Variants in MAPK4 observed in about 807,000 individuals in gnomAD.
MAPK4 encodes mitogen-activated protein kinase 4, also known as Erk3-related.
A neutral mutation model predicts 47.7 loss-of-function variants in MAPK4; 22 were observed. That is an observed-to-expected ratio of 0.46 (90% confidence interval 0.33 to 0.66). The LOEUF is 0.66. MAPK4 is among the 30% of genes least tolerant of loss of function. The pLI, the probability that MAPK4 is intolerant of heterozygous loss-of-function variation, is 0.02. For synonymous variants in MAPK4, 390 were observed against 365.7 expected (o/e 1.07, Z -0.76); for missense variants, 736 against 831.7 (o/e 0.88, Z 1.42).
At chr18:50,655,660 C>T (rs1026640580) in intron 1 of MAPK4, among the ~76,000 whole-genome samples, 4 of 152,080 alleles carry the variant, frequency 2.6e-5, no homozygotes, top group Admixed American at 1.3e-4. Context: ...GAGTGAGACC[C>T]GGCTGAGTCT....
chr18:50,630,852 G>A lies in MAPK4; in HGVS notation c.-870-32237G>A, dbSNP rs371862195. On this transcript the variant is annotated intron_variant, in intron 1 of 5. Transcript: ENST00000400384. ...CTCCACATTTGTTTTTCCCAGCTGGGAGCCTCACCTGTCTTTGCAACTTTG... is the reference window on the plus strand; with the variant it reads ...CTCCACATTTGTTTTTCCCAGCTGGAAGCCTCACCTGTCTTTGCAACTTTG... 5.3e-5 allele frequency among the ~76,000 whole-genome samples: 8 copies of A among 152,282 alleles called. No individual in the cohort carries two copies. The South Asian group carries it at 8.3e-4, about 16-fold the overall frequency.
chr18:50,647,318 A>G (rs2042999004), intron 1 of MAPK4, among the ~76,000 whole-genome samples: 1 of 152,216 alleles, frequency 6.6e-6, no homozygotes, highest in Admixed American at 6.5e-5. Context: ...TAAGCTACAC[A>G]GTGTCTTGTG....
intron 1 of MAPK4, among the ~76,000 whole-genome samples, chr18:50,597,596 G>A (rs1411578232): frequency 3.9e-5 from 6 of 152,184 alleles, no homozygotes; most frequent in Non-Finnish European, 1.5e-5. Flanking sequence ...TGTCAAATTG[G>A]CTTTGGTGGC....
chr18:50,713,191 G>A (rs774587682), intron 2 of MAPK4, among the ~76,000 whole-genome samples: 2 of 152,104 alleles, frequency 1.3e-5, no homozygotes, highest in Non-Finnish European at 2.9e-5. Flanking sequence ...TTGTGATGGT[G>A]GTGACATGAC....
intron 1 of MAPK4, among the ~76,000 whole-genome samples, chr18:50,567,116 G>A (rs543007960): frequency 8.2e-4 from 122 of 148,948 alleles, no homozygotes; most frequent in Middle Eastern, 3.4e-3. Context: ...TTTACTTTAA[G>A]TTCTGGGATA....
intron 1 of MAPK4, among the ~76,000 whole-genome samples, chr18:50,643,612 G>A (rs1421979027): frequency 6.6e-6 from 1 of 152,174 alleles, no homozygotes; most frequent in Non-Finnish European, 1.5e-5. Flanking sequence ...CCTCAGAACT[G>A]CCACTTGAGG....
At chr18:50,570,681 C>A (rs1022516787) in intron 1 of MAPK4, among the ~76,000 whole-genome samples, 2 of 152,140 alleles carry the variant, frequency 1.3e-5, no homozygotes, top group Non-Finnish European at 2.9e-5. Context: ...AGGTTTGGAG[C>A]TTTATGATAG....
intron 2 of MAPK4, among the ~76,000 whole-genome samples, chr18:50,712,232 G>C (rs1910407727): frequency 6.6e-6 from 1 of 152,152 alleles, no homozygotes; most frequent in Non-Finnish European, 1.5e-5. Context: ...TTTGAGACTA[G>C]CTTGGGCAAC....
chr18:50,725,237 T>C (rs1376655315), intron 4 of MAPK4, among the ~76,000 whole-genome samples: 1 of 152,226 alleles, frequency 6.6e-6, no homozygotes, highest in Non-Finnish European at 1.5e-5. Context: ...CTGTAATATC[T>C]ATCCATCCAT....
At chr18:50,610,448 G>A (rs62092160) in intron 1 of MAPK4, among the ~76,000 whole-genome samples, 47,830 of 152,102 alleles carry the variant, frequency 0.31, 8,037 homozygotes, top group Non-Finnish European at 0.37. Flanking sequence ...TGGGAAAATG[G>A]GAAACCACAA....
At chr18:50,704,902 T>C (rs917499649) in intron 2 of MAPK4, 4 of 397,558 alleles carry the variant, frequency 1.0e-5, no homozygotes, top group Admixed American at 4.4e-5. Context: ...GTGGCTGTTA[T>C]TATTACCCAC....
Position 50,560,093 on chromosome 18 carries a change from C to A in MAPK4, c.-1021C>A, listed in dbSNP as rs573682748. On this transcript the variant is annotated 5_prime_UTR_variant, in exon 1 of 6. Transcript: ENST00000400384. Reference sequence around the variant, plus strand: ...CGGGGCCGGGGCGGGAGCCGGAGCCCGAGCTGGAGCAGCGAGCCGGGCTGT... The same window carrying A: ...CGGGGCCGGGGCGGGAGCCGGAGCCAGAGCTGGAGCAGCGAGCCGGGCTGT... The A allele has an allele frequency of 1.4e-5, 2 of 148,010 alleles. No homozygotes were observed. The highest frequency in any genetic ancestry group is 1.8e-4 in the South Asian group (1 of 5,458). The allele number at this position is 148,010 out of a possible 1,614,324, so 9.2% of individuals were successfully genotyped here. A position where few individuals can be genotyped will look rare whatever the true frequency, so the allele number is the denominator to read the frequency against.
rs1026761224 is a variant in MAPK4 at position 50,563,652 on chromosome 18, C to T, written c.-871+3409C>T. Among the ~76,000 whole-genome samples the T allele has an allele frequency of 3.3e-5, 5 of 152,014 alleles. No homozygotes were observed. In the South Asian group the frequency reaches 6.2e-4, roughly 19 times the overall value. On this transcript the variant is annotated intron_variant, in intron 1 of 5. Transcript: ENST00000400384. ...AAGGCCAAGAATGTGACTTTTTTTTCTCTCTGCATCCCTCCCTCCTTGCAG... is the reference window on the plus strand; with the variant it reads ...AAGGCCAAGAATGTGACTTTTTTTTTTCTCTGCATCCCTCCCTCCTTGCAG...
chr18:50,602,744 C>T (rs1486799183), intron 1 of MAPK4, among the ~76,000 whole-genome samples: 3 of 152,100 alleles, frequency 2.0e-5, no homozygotes, highest in Non-Finnish European at 2.9e-5. Context: ...TTGGTTAGAA[C>T]GATTGTCTAG....
At chr18:50,640,103 A>G (rs2042925531) in intron 1 of MAPK4, among the ~76,000 whole-genome samples, 1 of 152,252 alleles carries the variant, frequency 6.6e-6, no homozygotes, top group Non-Finnish European at 1.5e-5. Flanking sequence ...ATATATATCT[A>G]CACACATACG....
At chr18:50,708,397 CT>C in intron 2 of MAPK4, among the ~76,000 whole-genome samples, 1 of 152,154 alleles carries the variant, frequency 6.6e-6, no homozygotes, top group Non-Finnish European at 1.5e-5. Context: ...AGAAATCTGC[CT>C]GGCCTGTAAG....
At chr18:50,601,629 G>A (rs956432529) in intron 1 of MAPK4, among the ~76,000 whole-genome samples, 3 of 152,118 alleles carry the variant, frequency 2.0e-5, no homozygotes, top group African/African-American at 4.8e-5. Flanking sequence ...CTTTTGAATA[G>A]GATGCACCTC....
rs1169229104 is a variant in MAPK4, at chr18:50,664,906, C to G, written c.546+402C>G. The stretch of plus-strand genomic sequence containing the variant: ...CAGGACACACCCTGAGGCTTCCCAC[C>G]CTGTGAGCCTCATGCTCTGGTTGGT... On this transcript the variant is annotated intron_variant, in intron 2 of 5. Coordinates refer to ENST00000400384, the MANE Select transcript of MAPK4 (RefSeq NM_002747.4). This position sits in a 1 kb window ranked among gnomAD's most constrained non-coding sequence, Gnocchi z 6.0. Among the ~76,000 whole-genome samples, 1 of 152,190 alleles carries G rather than the reference C, an allele frequency of 6.6e-6. No individual in the cohort carries two copies. The highest frequency in any genetic ancestry group is 1.5e-5 in the Non-Finnish European group (1 of 68,032).
Position 50,730,872 on chromosome 18 carries a change from C to T in MAPK4, c.*1018C>T, listed in dbSNP as rs1163589363. The T allele has an allele frequency of 1.3e-5, 2 of 151,942 alleles. No individual in the cohort carries two copies. Among genetic ancestry groups the T allele is most frequent in the East Asian group, 3.9e-4 (2 of 5,168 alleles). The allele number at this position is 151,942 out of a possible 1,614,324, so 9.4% of individuals were successfully genotyped here. A position where few individuals can be genotyped will look rare whatever the true frequency, so the allele number is the denominator to read the frequency against. On this transcript the variant is annotated 3_prime_UTR_variant, in exon 6 of 6. Transcript: ENST00000400384. ...CTACCTCGGGACCTAATGTTCTCTA[C>T]ATGAACTGCTCATTTGGAGGACAGC...
Sources: gnomAD v4.1 joint callset for allele counts (sites outside exome capture counted in the v4.1 genomes callset) on GRCh38, gnomAD v4.1.1 for gene constraint, Gnocchi (gnomAD v3.1) non-coding constraint, MANE v1.5 for transcripts, NCBI Gene and HGNC (gene_info 2026-07-23, HGNC 2026-07-21) for gene names.